AP1G1: variants seen among roughly 807,000 people sequenced by gnomAD.
AP1G1 encodes the protein adaptor related protein complex 1 subunit gamma 1.
Under a neutral mutation model 108.3 loss-of-function variants are expected in AP1G1, and 7 were observed. The ratio of observed to expected loss-of-function variants is 0.06; its 90% confidence interval spans 0.04 to 0.12. AP1G1 has a LOEUF of 0.12. Ranked by LOEUF, AP1G1 falls within the 10% of genes least tolerant of loss-of-function variation. The pLI is 1.00. For synonymous variants in AP1G1, 379 were observed against 353.5 expected (o/e 1.07, Z -0.81); for missense variants, 756 against 1,010.7 (o/e 0.75, Z 3.42).
At chr16:71,796,382 T>C (rs901280615) in intron 1 of AP1G1, among the ~76,000 whole-genome samples, 1 of 152,228 alleles carries the variant, frequency 6.6e-6, no homozygotes, top group African/African-American at 2.4e-5. Flanking sequence ...CAACTTTATA[T>C]GGTCTGTTTC....
rs2045488455 is a variant in AP1G1 at position 71,732,961 on chromosome 16, C to A, written c.*97G>T. 2.2e-6 allele frequency: 2 copies of A among 910,332 alleles called. No homozygotes were observed. The highest frequency in any genetic ancestry group is 4.6e-5 in the Admixed American group (2 of 43,016). 56.4% of individuals were successfully genotyped at this position (910,332 alleles called of 1,614,324 possible). A position where few individuals can be genotyped will look rare whatever the true frequency, so the allele number is the denominator to read the frequency against. On this transcript the variant is annotated 3_prime_UTR_variant, in exon 23 of 23. Coordinates refer to ENST00000299980, the MANE Select transcript of AP1G1 (RefSeq NM_001128.6). ...AGCAGTTCTCTTCAGCTCCTCATGCCCGTGGTACAGTTGGGGGGGACTTGC... is the reference window on the plus strand; with the variant it reads ...AGCAGTTCTCTTCAGCTCCTCATGCACGTGGTACAGTTGGGGGGGACTTGC...
intron 1 of AP1G1, among the ~76,000 whole-genome samples, chr16:71,800,662 G>A (rs1318372554): frequency 1.3e-5 from 2 of 151,866 alleles, no homozygotes; most frequent in Non-Finnish European, 1.5e-5. Context: ...TTAGCCAGGC[G>A]TGGTGGTGGG....
chr16:71,800,647 G>T (rs1232820561), intron 1 of AP1G1, among the ~76,000 whole-genome samples: 1 of 146,170 alleles, frequency 6.8e-6, no homozygotes, highest in Non-Finnish European at 1.5e-5. Flanking sequence ...TAAAAATACA[G>T]AACATTAGCC....
intron 19 of AP1G1, among the ~76,000 whole-genome samples, chr16:71,741,086 G>T (rs79349967): frequency 0.087 from 13,253 of 152,090 alleles, 613 homozygotes; most frequent in Middle Eastern, 0.11. Context: ...AAGATTCGAA[G>T]AAGAAGCATA....
At chr16:71,778,982 C>T (rs1019259836) in intron 2 of AP1G1, among the ~76,000 whole-genome samples, 2 of 152,200 alleles carry the variant, frequency 1.3e-5, no homozygotes, top group African/African-American at 2.4e-5. Context: ...AAAAACCTAC[C>T]TGAAACATTT....
At chr16:71,795,627 G>A (rs915131700) in intron 1 of AP1G1, among the ~76,000 whole-genome samples, 2 of 152,084 alleles carry the variant, frequency 1.3e-5, no homozygotes, top group Non-Finnish European at 2.9e-5. Context: ...TTGCTTTAAC[G>A]CCATTTACAA....
intron 7 of AP1G1, 31 bp from the exon 8 acceptor site, chr16:71,764,757 A>G: frequency 7.2e-7 from 1 of 1,395,048 alleles, no homozygotes; most frequent in Non-Finnish European, 1.0e-6. Flanking sequence ...GGTGTCAACA[A>G]ATTATGTCTC....
chr16:71,802,001 A>G (rs1176836200), intron 1 of AP1G1, among the ~76,000 whole-genome samples: 1 of 152,128 alleles, frequency 6.6e-6, no homozygotes, highest in Non-Finnish European at 1.5e-5. Flanking sequence ...AGGGATGTAC[A>G]AGTGGTGTAA....
At chr16:71,794,613 A>T (rs187721879) in intron 1 of AP1G1, among the ~76,000 whole-genome samples, 1 of 152,204 alleles carries the variant, frequency 6.6e-6, no homozygotes, top group Admixed American at 6.5e-5. Context: ...TTTGGAGCTT[A>T]AACTAAATAA....
At chr16:71,734,850 G>C in intron 21 of AP1G1, 143 bp from the exon 22 acceptor site, 1 of 649,158 alleles carries the variant, frequency 1.5e-6, no homozygotes, top group South Asian at 1.9e-5. Flanking sequence ...TTGTTTTCTA[G>C]ATATCAGGAA....
At chr16:71,759,759 CA>C (rs920720482) in intron 10 of AP1G1, among the ~76,000 whole-genome samples, 21 of 135,634 alleles carry the variant, frequency 1.5e-4, no homozygotes, top group Non-Finnish European at 2.4e-4. Flanking sequence ...GACTCTGTCT[CA>C]AAAAAAAAAA....
chr16:71,772,952 A>G (rs1284335771), intron 4 of AP1G1: 1 of 496,140 alleles, frequency 2.0e-6, no homozygotes, highest in Non-Finnish European at 3.8e-6. Context: ...AAATCTGTTC[A>G]TAATCACCTT....
Position 71,745,214 on chromosome 16 carries a change from A to G in AP1G1, c.1929T>C (p.Thr643=). The change falls in exon 19 of 23, where the codon ACT becomes ACC. Residue 643 remains threonine (T), a synonymous_variant. Coordinates refer to ENST00000299980, the MANE Select transcript of AP1G1 (RefSeq NM_001128.6). ...GGNDITPVIP[T]APTSKPSSAG... is the part of the protein sequence containing the mutation. ...CAGAAGATGGTTTGCTTGTAGGCGC[A>G]GTTGGAATAACAGGTGTTATGTCAT... 1 of 1,614,208 alleles carries G rather than the reference A, an allele frequency of 6.2e-7. No homozygotes were observed. Among genetic ancestry groups the G allele is most frequent in the Non-Finnish European group, 8.5e-7 (1 of 1,180,036 alleles).
chr16:71,797,242 G>A (rs1046958582), intron 1 of AP1G1, among the ~76,000 whole-genome samples: 55 of 152,030 alleles, frequency 3.6e-4, no homozygotes, highest in African/African-American at 1.2e-3. Context: ...TTAAAGACAT[G>A]ACCCAAAGGG....
rs1005636727 is a variant in AP1G1, at chr16:71,802,479, C to T, written c.-4+6284G>A. Among the ~76,000 whole-genome samples the T allele has an allele frequency of 2.6e-5, 4 of 152,204 alleles. No homozygotes were observed. In the East Asian group the frequency reaches 5.8e-4, roughly 22 times the overall value. ...GCGCGGTAGCTCATGCCTGTAATCC[C>T]GGCACTTTGGGAGGCCGAGGTGGGT... On this transcript the variant is annotated intron_variant, in intron 1 of 22. Transcript: ENST00000299980.
At chr16:71,773,024 A>C (rs1488105782) in intron 4 of AP1G1, 197 bp downstream of exon 4, 1 of 702,246 alleles carries the variant, frequency 1.4e-6, no homozygotes, top group Non-Finnish European at 2.5e-6. Flanking sequence ...GGATATATCC[A>C]GTAACATTTG....
chr16:71,787,681 C>A (rs1251306358), intron 2 of AP1G1, among the ~76,000 whole-genome samples: 3 of 152,158 alleles, frequency 2.0e-5, no homozygotes, highest in Non-Finnish European at 2.9e-5. Context: ...AACCGATCAA[C>A]AAGAACACGT....
Position 71,808,776 on chromosome 16 carries a change from C to T in AP1G1, c.-17G>A. 1.6e-6 allele frequency: 2 copies of T among 1,289,668 alleles called. No homozygotes were observed. The highest frequency in any genetic ancestry group is 2.0e-6 in the Non-Finnish European group (2 of 988,778). The allele number at this position is 1,289,668 out of a possible 1,614,324, so 79.9% of individuals were successfully genotyped here. On this transcript the variant is annotated 5_prime_UTR_variant, in exon 1 of 23. Coordinates refer to ENST00000299980, the MANE Select transcript of AP1G1 (RefSeq NM_001128.6). The stretch of plus-strand genomic sequence containing the variant: ...AGTGACACTCACCGGCCCGAAACCT[C>T]GAATGAAACCAGCAGCTCCGGGGGC...
At chr16:71,798,471 T>C (rs942042126) in intron 1 of AP1G1, among the ~76,000 whole-genome samples, 2 of 151,304 alleles carry the variant, frequency 1.3e-5, no homozygotes, top group East Asian at 4.0e-4. Flanking sequence ...AGTGCTGGGA[T>C]TACAGGCATG....
Sources: gnomAD v4.1 joint callset for allele counts (sites outside exome capture counted in the v4.1 genomes callset) on GRCh38, gnomAD v4.1.1 for gene constraint, MANE v1.5 for transcripts, NCBI Gene and HGNC (gene_info 2026-07-23, HGNC 2026-07-21) for gene names.